The following MRPL18 variants were observed in gnomAD, a reference collection of about 807,000 sequenced individuals.
MRPL18 encodes mitochondrial ribosomal protein L18.
In MRPL18, 16 loss-of-function variants were observed where a neutral mutation model predicts 20.9. The ratio of observed to expected loss-of-function variants is 0.76; its 90% CI spans 0.52 to 1.16. The LOEUF (loss-of-function observed/expected upper bound fraction) is 1.16. MRPL18 is among the 50% of genes most tolerant of loss of function. The pLI, the probability that MRPL18 is intolerant of heterozygous loss-of-function variation, is 0.00. For missense variants in MRPL18, 233 were observed against 230.6 expected (o/e 1.01, Z -0.07); for synonymous variants, 91 against 87.1 (o/e 1.04, Z -0.25).
chr6:159,790,936 C>T lies in MRPL18; in HGVS notation c.53-4C>T, dbSNP rs775038910. On this transcript the variant is annotated splice_region_variant and splice_polypyrimidine_tract_variant and intron_variant, in intron 1 of 3. Transcript: ENST00000367034. ...AGCCCTGTGCGGTTTTTCCCGTTGC[C>T]CAGGGTGCAGGTTCGCAGCCCTGTC... is the stretch of plus-strand genomic sequence containing the variant. 6.2e-6 allele frequency: 10 copies of T among 1,613,712 alleles called. No individual in the cohort carries two copies. Among genetic ancestry groups the T allele is most frequent in the Non-Finnish European group, 7.6e-6 (9 of 1,179,948 alleles).
chr6:159,790,360 G>A, upstream of MRPL18: 2 of 629,524 alleles, frequency 3.2e-6, no homozygotes, highest in South Asian at 1.9e-5. Flanking sequence ...CAGGGCCTGC[G>A]TGCCCCTCGA....
rs1264929518 is a variant in MRPL18 at position 159,790,521 on chromosome 6, C to T, written c.-67C>T. On this transcript the variant is annotated 5_prime_UTR_variant, in exon 1 of 4. Coordinates refer to ENST00000367034, the MANE Select transcript of MRPL18 (RefSeq NM_014161.5). ...GCTTGTCCCTGACTTTATATGGCTGCTCCTGGCGAGCGACTGAGTCGTCCG... is the reference window on the plus strand; with the variant it reads ...GCTTGTCCCTGACTTTATATGGCTGTTCCTGGCGAGCGACTGAGTCGTCCG... 9.9e-5 allele frequency: 159 copies of T among 1,607,046 alleles called. 1 individual carries two copies. The South Asian group carries it at 1.2e-3, about 12-fold the overall frequency.
chr6:159,794,368 C>T (rs899336355), intron 2 of MRPL18, among the ~76,000 whole-genome samples: 13 of 151,976 alleles, frequency 8.6e-5, no homozygotes, highest in Non-Finnish European at 1.3e-4. Flanking sequence ...AGTTACTTAA[C>T]CTTTCTGTGT....
At chr6:159,790,440 A>G, upstream of MRPL18, 1 of 935,328 alleles carries the variant, frequency 1.1e-6, no homozygotes, top group Non-Finnish European at 1.6e-6. Flanking sequence ...GGGACTTGCT[A>G]CTTCCGGGTC....
intron 2 of MRPL18, 49 bp from the exon 3 acceptor site, chr6:159,797,238 T>G: frequency 6.6e-7 from 1 of 1,519,726 alleles, no homozygotes; most frequent in Non-Finnish European, 9.1e-7. Flanking sequence ...TAATGTAACT[T>G]TAGGATACAG....
Position 159,790,491 on chromosome 6 carries a change from C to T in MRPL18, c.-97C>T. The T allele has an allele frequency of 6.4e-7, 1 of 1,553,660 alleles. No individual in the cohort carries two copies. Among genetic ancestry groups the T allele is most frequent in the African/African-American group, 1.4e-5 (1 of 73,702 alleles). Reference sequence around the variant, plus strand: ...GGAGAGTTTGGGGATCTACAGCAGCCAAAGGCTTGTCCCTGACTTTATATG... The same window carrying T: ...GGAGAGTTTGGGGATCTACAGCAGCTAAAGGCTTGTCCCTGACTTTATATG... On this transcript the variant is annotated 5_prime_UTR_variant, in exon 1 of 4. Transcript: ENST00000367034.
At chr6:159,793,326 G>C (rs559542831) in intron 2 of MRPL18, among the ~76,000 whole-genome samples, 1 of 152,088 alleles carries the variant, frequency 6.6e-6, no homozygotes, top group African/African-American at 2.4e-5. Context: ...ACGGCCCGTG[G>C]GCCAAAGGTA....
chr6:159,794,632 A>G (rs904145883), intron 2 of MRPL18, among the ~76,000 whole-genome samples: 5 of 152,308 alleles, frequency 3.3e-5, no homozygotes, highest in African/African-American at 1.2e-4. Flanking sequence ...TGTCTTGTCC[A>G]TGCATTTTGT....
At chr6:159,797,098 T>C (rs184195006) in intron 2 of MRPL18, among the ~76,000 whole-genome samples, 189 bp from the exon 3 acceptor site, 1 of 152,242 alleles carries the variant, frequency 6.6e-6, no homozygotes. Flanking sequence ...TAGTTTGTTA[T>C]TATTGAGGAT....
chr6:159,790,413 C>T (rs2273824), upstream of MRPL18: 542,258 of 743,244 alleles, frequency 0.73, 200,862 homozygotes, highest in Admixed American at 0.79. Flanking sequence ...ATCGCCTTCT[C>T]GGCCACTCAG....
At chr6:159,791,925 T>G (rs948449065) in intron 2 of MRPL18, among the ~76,000 whole-genome samples, 3 of 152,198 alleles carry the variant, frequency 2.0e-5, no homozygotes, top group African/African-American at 7.2e-5. Flanking sequence ...TTTGGAAGAT[T>G]AAATTTTTGA....
At chr6:159,795,556 C>T (rs1251266893) in intron 2 of MRPL18, among the ~76,000 whole-genome samples, 1 of 152,144 alleles carries the variant, frequency 6.6e-6, no homozygotes, top group African/African-American at 2.4e-5. Context: ...TTTCAGAGAG[C>T]AGGGGGTTGG....
At chr6:159,797,554 T>C in intron 3 of MRPL18, 36 bp downstream of exon 3, 1 of 1,587,086 alleles carries the variant, frequency 6.3e-7, no homozygotes. Flanking sequence ...GAAAAGGTAT[T>C]GTGTTAATTC....
Position 159,797,438 on chromosome 6 carries a change from G to C in MRPL18, c.391G>C (p.Val131Leu), listed in dbSNP as rs369852745. Residue 131 changes from valine to leucine, a missense_variant, in exon 3 of 4, where the codon GTG becomes CTG. Physicochemically the swap from Val to Leu is conservative, Grantham distance 32. Coordinates refer to ENST00000367034, the MANE Select transcript of MRPL18 (RefSeq NM_014161.5). Reference protein sequence around the residue: ...NVVACESIGRVLAQRCLEAGI... With the variant: ...NVVACESIGRLLAQRCLEAGI... ...GGTGGCTTGTGAGAGTATAGGACGA[G>C]TGCTGGCACAGAGATGCTTAGAGGC... The C allele has an allele frequency of 1.0e-4, 169 of 1,614,070 alleles. No individual in the cohort carries two copies. The highest frequency in any genetic ancestry group is 1.4e-4 in the Non-Finnish European group (168 of 1,180,042).
At chr6:159,794,071 T>C (rs1213313970) in intron 2 of MRPL18, among the ~76,000 whole-genome samples, 2 of 152,234 alleles carry the variant, frequency 1.3e-5, no homozygotes, top group African/African-American at 4.8e-5. Flanking sequence ...ACTTGACTTT[T>C]TAAAGGGTAA....
chr6:159,794,856 G>A (rs920871793), intron 2 of MRPL18, among the ~76,000 whole-genome samples: 3 of 152,152 alleles, frequency 2.0e-5, no homozygotes, highest in Admixed American at 6.5e-5. Flanking sequence ...GGGAACCAGC[G>A]TTCAGCATAT....
At chr6:159,790,418 A>T, upstream of MRPL18, 1 of 764,360 alleles carries the variant, frequency 1.3e-6, no homozygotes, top group Non-Finnish European at 2.1e-6. Context: ...CTTCTCGGCC[A>T]CTCAGTGGCA....
intron 2 of MRPL18, among the ~76,000 whole-genome samples, chr6:159,792,609 A>G (rs990808877): frequency 6.6e-6 from 1 of 152,190 alleles, no homozygotes; most frequent in Non-Finnish European, 1.5e-5. Flanking sequence ...AAGGCTAAAA[A>G]TCTTTTGAAA....
chr6:159,793,846 A>G (rs928158645), intron 2 of MRPL18, among the ~76,000 whole-genome samples: 1 of 151,908 alleles, frequency 6.6e-6, no homozygotes, highest in African/African-American at 2.4e-5. Context: ...TGGGAGGCGG[A>G]GCTTGCAGTG....
Sources: gnomAD v4.1 joint callset for allele counts (sites outside exome capture counted in the v4.1 genomes callset) on GRCh38, gnomAD v4.1.1 for gene constraint, MANE v1.5 for transcripts, NCBI Gene and HGNC (gene_info 2026-07-23, HGNC 2026-07-21) for gene names.